Variants in DYRK1A observed in about 807,000 individuals in gnomAD.
DYRK1A encodes dual specificity tyrosine-phosphorylation-regulated kinase 1A.
In DYRK1A, 9 loss-of-function variants were observed where a neutral mutation model predicts 79.7. The ratio of observed to expected loss-of-function variants is 0.11; its 90% CI spans 0.07 to 0.20. The LOEUF is 0.20. DYRK1A is among the 10% of genes least tolerant of loss of function. The pLI is 1.00. For synonymous variants in DYRK1A, 349 were observed against 329.7 expected (o/e 1.06, Z -0.63); for missense variants, 622 against 956.0 (o/e 0.65, Z 4.61).
At chr21:37,434,607 TAACTG>T (rs2050871551) in intron 2 of DYRK1A, among the ~76,000 whole-genome samples, 1 of 152,364 alleles carries the variant, frequency 6.6e-6, no homozygotes, top group Non-Finnish European at 1.5e-5. Flanking sequence ...AGTTACATCT[TAACTG>T]AACTTGGTTC....
rs1458143180 is a variant in DYRK1A at position 37,515,466 on chromosome 21, G to T, written c.*2935G>T. The T allele has an allele frequency of 2.0e-5, 3 of 152,026 alleles. No individual in the cohort carries two copies. Among genetic ancestry groups the T allele is most frequent in the Non-Finnish European group, 4.4e-5 (3 of 68,026 alleles). The allele number at this position is 152,026 out of a possible 1,614,324, so 9.4% of individuals were successfully genotyped here. On this transcript the variant is annotated 3_prime_UTR_variant, in exon 12 of 12. Coordinates refer to ENST00000647188, the MANE Select transcript of DYRK1A (RefSeq NM_001347721.2). ...CTCATATTTTAGTTGGTAGCATTTC[G>T]ACTGGATGTGAGGGTCTGATGGTTT...
chr21:37,493,758 A>G (rs1007596966), intron 8 of DYRK1A, among the ~76,000 whole-genome samples: 2 of 152,038 alleles, frequency 1.3e-5, no homozygotes, highest in African/African-American at 4.8e-5. Context: ...TAAAAACTAC[A>G]CCTGTGGGGT....
chr21:37,459,177 T>C (rs144110452), intron 2 of DYRK1A, among the ~76,000 whole-genome samples: 89 of 152,338 alleles, frequency 5.8e-4, no homozygotes, highest in African/African-American at 2.0e-3. Context: ...TCCTGGACTC[T>C]CAGGATCTGG....
chr21:37,494,553 T>C (rs1397033116), intron 8 of DYRK1A, among the ~76,000 whole-genome samples: 1 of 152,110 alleles, frequency 6.6e-6, no homozygotes. Context: ...TTTGCTCTGA[T>C]GTCACATTCT....
rs1317962217 is a variant in DYRK1A at position 37,517,661 on chromosome 21, G to A, written c.*5130G>A. On this transcript the variant is annotated 3_prime_UTR_variant, in exon 12 of 12. Coordinates refer to ENST00000647188, the MANE Select transcript of DYRK1A (RefSeq NM_001347721.2). ...GCAGCCAAGCAGGTGTGCCGGGCAG[G>A]GAGTTGTTAATGAACACCCAGGCAA... 6.6e-6 allele frequency: 1 copy of A among 152,290 alleles called. No homozygotes were observed. Among genetic ancestry groups the A allele is most frequent in the East Asian group, 1.9e-4 (1 of 5,166 alleles). 9.4% of individuals were successfully genotyped at this position (152,290 alleles called of 1,614,324 possible).
intron 11 of DYRK1A, among the ~76,000 whole-genome samples, chr21:37,507,419 T>G (rs2053629304): frequency 6.6e-6 from 1 of 152,196 alleles, no homozygotes; most frequent in Non-Finnish European, 1.5e-5. Context: ...TCCCCCTTTC[T>G]TTCCCTATAC....
At chr21:37,400,619 C>T (rs752436717) in intron 1 of DYRK1A, among the ~76,000 whole-genome samples, 4 of 152,094 alleles carry the variant, frequency 2.6e-5, no homozygotes, top group Non-Finnish European at 2.9e-5. Context: ...TGGTTTTGAG[C>T]GACTTTTCTC....
intron 1 of DYRK1A, among the ~76,000 whole-genome samples, chr21:37,369,830 CT>C (rs1258036055): frequency 6.6e-6 from 1 of 152,132 alleles, no homozygotes; most frequent in East Asian, 1.9e-4. Flanking sequence ...TCTCTTAAAC[CT>C]TTTAACAATA....
At chr21:37,481,269 TC>T (rs1046551868) in intron 5 of DYRK1A, 2 of 152,932 alleles carry the variant, frequency 1.3e-5, no homozygotes, top group African/African-American at 4.8e-5. Context: ...TGGGGGTTGT[TC>T]CCTGGCTTTT....
chr21:37,401,464 T>C (rs1429211334), intron 1 of DYRK1A, among the ~76,000 whole-genome samples: 29 of 151,310 alleles, frequency 1.9e-4, no homozygotes, highest in Non-Finnish European at 7.4e-5. Context: ...TTTCAGATAG[T>C]CTTGTTATTT....
At chr21:37,392,639 A>G (rs1207351148) in intron 1 of DYRK1A, among the ~76,000 whole-genome samples, 2 of 152,198 alleles carry the variant, frequency 1.3e-5, no homozygotes, top group East Asian at 1.9e-4. Flanking sequence ...TTACAAGGAC[A>G]TGAATCCCAC....
At chr21:37,375,519 C>CTTTTTTTTTTTTTTTTTTTTTT (rs58948987) in intron 1 of DYRK1A, among the ~76,000 whole-genome samples, 1 of 81,458 alleles carries the variant, frequency 1.2e-5, no homozygotes, top group Non-Finnish European at 2.3e-5. Flanking sequence ...AGGAATATTA[C>CTTTTTTTTTTTTTTTTTTTTTT]TTTTTTTTTT....
chr21:37,448,391 A>G (rs916679430), intron 2 of DYRK1A, among the ~76,000 whole-genome samples: 2 of 152,178 alleles, frequency 1.3e-5, no homozygotes, highest in Non-Finnish European at 2.9e-5. Flanking sequence ...AAACTTCAGA[A>G]CAATGCTGGT....
intron 9 of DYRK1A, among the ~76,000 whole-genome samples, chr21:37,499,158 T>C (rs1191664947): frequency 6.6e-6 from 1 of 152,192 alleles, no homozygotes; most frequent in African/African-American, 2.4e-5. Flanking sequence ...TGGTACTTTT[T>C]TTATCCTGAA....
chr21:37,400,722 A>G (rs1358995601), intron 1 of DYRK1A, among the ~76,000 whole-genome samples: 1 of 152,244 alleles, frequency 6.6e-6, no homozygotes, highest in Non-Finnish European at 1.5e-5. Flanking sequence ...GTTTAGGGAA[A>G]TGATATGAAT....
chr21:37,371,862 T>C (rs936172989), intron 1 of DYRK1A, among the ~76,000 whole-genome samples: 1 of 152,170 alleles, frequency 6.6e-6, no homozygotes, highest in East Asian at 1.9e-4. Context: ...TTAAATAACA[T>C]CCCTGTTCAT....
chr21:37,382,888 G>A (rs2049686488), intron 1 of DYRK1A, among the ~76,000 whole-genome samples: 1 of 152,210 alleles, frequency 6.6e-6, no homozygotes, highest in South Asian at 2.1e-4. Context: ...ATTAACTGAA[G>A]AAATAGATAA....
chr21:37,483,446 T>A (rs1358737389), intron 5 of DYRK1A, among the ~76,000 whole-genome samples: 1 of 152,270 alleles, frequency 6.6e-6, no homozygotes, highest in East Asian at 1.9e-4. Context: ...ATGTCACGTG[T>A]ATATGTCTTC....
chr21:37,407,488 A>G (rs2050169922), intron 1 of DYRK1A, among the ~76,000 whole-genome samples: 1 of 152,188 alleles, frequency 6.6e-6, no homozygotes, highest in Non-Finnish European at 1.5e-5. Flanking sequence ...TTAAAATGGC[A>G]GTTGAATATT....
Sources: gnomAD v4.1 joint callset for allele counts (sites outside exome capture counted in the v4.1 genomes callset) on GRCh38, gnomAD v4.1.1 for gene constraint, MANE v1.5 for transcripts, NCBI Gene and HGNC (gene_info 2026-07-23, HGNC 2026-07-21) for gene names.